Variants in MYLK3 observed in about 807,000 individuals in gnomAD.
MYLK3 encodes myosin light chain kinase 3, also known as MLC kinase.
A neutral mutation model predicts 76.3 loss-of-function variants in MYLK3; 55 were observed. That is an observed-to-expected ratio of 0.72 (90% CI 0.58 to 0.90). The LOEUF (loss-of-function observed/expected upper bound fraction) is 0.90, where lower values mean the gene tolerates loss of function less well. Ranked by LOEUF, MYLK3 falls within the 40% of genes least tolerant of loss-of-function variation. The pLI is 0.00. For missense variants in MYLK3, 973 were observed against 1,053.6 expected, an observed-to-expected ratio of 0.92 and a Z score of 1.06; for synonymous variants, 416 against 425.4, an observed-to-expected ratio of 0.98 and a Z score of 0.27.
At chr16:46,729,509 C>G (rs1426704715) in intron 6 of MYLK3, 85 bp downstream of exon 6, 6 of 1,239,618 alleles carry the variant, frequency 4.8e-6, no homozygotes, top group Non-Finnish European at 7.1e-6. Context: ...GCATTTCCAG[C>G]TCAGCATGGG....
intron 3 of MYLK3, among the ~76,000 whole-genome samples, chr16:46,734,978 A>G (rs547071303): frequency 1.3e-4 from 20 of 151,948 alleles, no homozygotes; most frequent in Non-Finnish European, 1.5e-5. Flanking sequence ...CTGTCTCTAC[A>G]AAAACATAAA....
chr16:46,758,300 ACACACTCT>A lies in MYLK3; in HGVS notation c.-114+4732_-114+4739del, dbSNP rs1330130853. ...CACACACACACACACACACACACAC[ACACACTCT>A]CTCTCTCTCTCTCTCTCTCTCTCTC... On this transcript the variant is annotated intron_variant, in intron 1 of 11. Transcript: ENST00000536476. Among the ~76,000 whole-genome samples the A allele has an allele frequency of 3.9e-4, 20 of 51,380 alleles. No homozygotes were observed. In the East Asian group the frequency reaches 5.7e-3, roughly 15 times the overall value. 33.7% of individuals were successfully genotyped at this position (51,380 alleles called of 152,430 possible).
Position 46,728,938 on chromosome 16 carries a change from G to C in MYLK3, c.1772+86C>G, listed in dbSNP as rs1440850190. The stretch of plus-strand genomic sequence containing the variant: ...CGTGCCAGGAAGGGGAAAGGAGAGA[G>C]AGGGCTTTGCCTCGAATGAAGGCTC... On this transcript the variant is annotated intron_variant, in intron 7 of 12. Transcript: ENST00000394809. 6.2e-6 allele frequency: 6 copies of C among 967,052 alleles called. No individual in the cohort carries two copies. In the Admixed American group the frequency reaches 7.5e-5, roughly 12 times the overall value. The allele number at this position is 967,052 out of a possible 1,614,324, so 59.9% of individuals were successfully genotyped here. A position where few individuals can be genotyped will look rare whatever the true frequency, so the allele number is the denominator to read the frequency against.
upstream of MYLK3, among the ~76,000 whole-genome samples, chr16:46,751,931 G>C (rs1967130965): frequency 6.6e-6 from 1 of 152,172 alleles, no homozygotes; most frequent in South Asian, 2.1e-4. Flanking sequence ...AGGGGGCTTG[G>C]CCAGTTTTTG....
chr16:46,742,445 AAAACACACACACACACAC>A (rs1234595889), intron 1 of MYLK3, among the ~76,000 whole-genome samples: 13 of 130,202 alleles, frequency 1.0e-4, no homozygotes, highest in African/African-American at 3.0e-4. Flanking sequence ...AATCCCAGCA[AAAACACACACACACACAC>A]ACACACACAC....
chr16:46,731,299 C>A (rs1009826382), intron 4 of MYLK3, among the ~76,000 whole-genome samples: 7 of 152,168 alleles, frequency 4.6e-5, no homozygotes, highest in Non-Finnish European at 1.0e-4. Flanking sequence ...GGACGGCCAG[C>A]ACTTGGAAAG....
At chr16:46,736,772 T>C (rs1479015230) in intron 3 of MYLK3, among the ~76,000 whole-genome samples, 1 of 152,030 alleles carries the variant, frequency 6.6e-6, no homozygotes, top group African/African-American at 2.4e-5. Flanking sequence ...AGGGCCACCC[T>C]AGGCAGGCGC....
At chr16:46,745,327 C>T (rs758551792) in intron 1 of MYLK3, among the ~76,000 whole-genome samples, 3 of 152,340 alleles carry the variant, frequency 2.0e-5, no homozygotes, top group Non-Finnish European at 4.4e-5. Context: ...ACTGAAGACA[C>T]AGCCCCCAAA....
intron 3 of MYLK3, among the ~76,000 whole-genome samples, chr16:46,733,362 CTAAAA>C (rs1364353268): frequency 6.6e-6 from 1 of 152,098 alleles, no homozygotes; most frequent in Non-Finnish European, 1.5e-5. Flanking sequence ...GTCTCAAAAA[CTAAAA>C]TAAAATAAAA....
In MYLK3 at chr16:46,709,569, C is replaced by A; in HGVS notation, c.2370G>T (p.Leu790=). The stretch of plus-strand genomic sequence containing the variant: ...ATTTTCTTTGAGCTATGTATTTCTG[C>A]AGCAGTAGTTGGGATTTGAGACGAG... ...SKTRLKSQLL[L]QKYIAQRKWK... The change falls in exon 12 of 13, where the codon CTG becomes CTT. Residue 790 remains leucine, a synonymous_variant. Transcript: ENST00000394809. 1 of 1,613,988 alleles carries A rather than the reference C, an allele frequency of 6.2e-7. No individual in the cohort carries two copies. Among genetic ancestry groups the A allele is most frequent in the Non-Finnish European group, 8.5e-7 (1 of 1,179,998 alleles).
At chr16:46,727,865 C>A (rs1028665916) in intron 7 of MYLK3, among the ~76,000 whole-genome samples, 1 of 152,160 alleles carries the variant, frequency 6.6e-6, no homozygotes, top group Non-Finnish European at 1.5e-5. Flanking sequence ...CTCCAGTCTG[C>A]TCCCAGCAAA....
At position 46,704,552 on chromosome 16, in the gene MYLK3, T is replaced by C. The variant is rs1169349627; in HGVS notation, c.*3152A>G. ...CCTCCACCCCCTGGGTTCAAGTGAT[T>C]CTCTGGCCTCAGCCTCCCTAGTAGC... On this transcript the variant is annotated 3_prime_UTR_variant, in exon 13 of 13. Coordinates refer to ENST00000394809, the MANE Select transcript of MYLK3 (RefSeq NM_182493.3). The C allele has an allele frequency of 6.6e-6, 1 of 152,192 alleles. No homozygotes were observed. Among genetic ancestry groups the C allele is most frequent in the East Asian group, 1.9e-4 (1 of 5,200 alleles). 9.4% of individuals were successfully genotyped at this position (152,192 alleles called of 1,614,324 possible).
At chr16:46,712,484 T>TGGCTCCTTTCCTTCCCC (rs1331496537) in intron 10 of MYLK3, among the ~76,000 whole-genome samples, 164 bp downstream of exon 10, 2 of 152,314 alleles carry the variant, frequency 1.3e-5, no homozygotes, top group African/African-American at 4.8e-5. Flanking sequence ...TACCCTTCCC[T>TGGCTCCTTTCCTTCCCC]GGCTCCTTTC....
At chr16:46,742,382 C>A (rs905598352) in intron 1 of MYLK3, among the ~76,000 whole-genome samples, 1 of 151,344 alleles carries the variant, frequency 6.6e-6, no homozygotes, top group Non-Finnish European at 1.5e-5. Context: ...CAGGGTGAAA[C>A]CCTGTCTCTA....
chr16:46,727,145 G>A (rs1487896771), intron 8 of MYLK3, 91 bp downstream of exon 8: 1 of 1,410,606 alleles, frequency 7.1e-7, no homozygotes, highest in Non-Finnish European at 9.6e-7. Context: ...ATGGAAGCTG[G>A]GACTGTCTGT....
At chr16:46,742,027 A>G (rs982654607) in intron 1 of MYLK3, among the ~76,000 whole-genome samples, 3 of 152,120 alleles carry the variant, frequency 2.0e-5, no homozygotes, top group African/African-American at 7.2e-5. Context: ...TTTAAAATCT[A>G]TGAGATTTTT....
In MYLK3 at chr16:46,729,660, G is replaced by C. The variant is rs375577871; in HGVS notation, c.1596C>G (p.Cys532Trp). The change falls in exon 6 of 13, where the codon TGC becomes TGG. Residue 532 changes from cysteine to tryptophan, a missense_variant. By Grantham distance (215) the Cys-to-Trp change is radical. Transcript: ENST00000394809. Reference sequence around the variant, plus strand: ...GTGGGAGGCCTGTGGACTTCTCTGTGCACCTGTGGACCTGGCCAAACCGAC... The same window carrying C: ...GTGGGAGGCCTGTGGACTTCTCTGTCCACCTGTGGACCTGGCCAAACCGAC... ...GGGRFGQVHRCTEKSTGLPLA... is the reference protein window; with the variant it reads ...GGGRFGQVHRWTEKSTGLPLA... 1 of 1,613,526 alleles carries C rather than the reference G, an allele frequency of 6.2e-7. No individual in the cohort carries two copies.
rs1284011581 is a variant in MYLK3 at position 46,738,118 on chromosome 16, C to T, written c.594G>A (p.Glu198=). 2 of 1,556,948 alleles carry T rather than the reference C, an allele frequency of 1.3e-6. No individual in the cohort carries two copies. Among genetic ancestry groups the T allele is most frequent in the South Asian group, 1.2e-5 (1 of 86,072 alleles). Residue 198 remains glutamate, a synonymous_variant, in exon 3 of 13, where the codon GAG becomes GAA. Transcript: ENST00000394809. ...GEESQKADVL[E]GTAERLPPIR... ...TGGGGGGCAGCCTCTCCGCTGTCCC[C>T]TCCAGCACGTCCGCCTTCTGGCTCT...
chr16:46,719,560 A>C (rs1966778741), intron 9 of MYLK3, among the ~76,000 whole-genome samples: 2 of 152,110 alleles, frequency 1.3e-5, no homozygotes, highest in Non-Finnish European at 2.9e-5. Context: ...CCAGGCGCAC[A>C]GTATTCAGCA....
Sources: allele counts gnomAD v4.1 joint callset (sites outside exome capture counted in the v4.1 genomes callset), GRCh38; gene constraint gnomAD v4.1.1; transcripts MANE v1.5; gene names NCBI Gene and HGNC (gene_info 2026-07-23, HGNC 2026-07-21).